The following CDH10 variants were observed in gnomAD, a reference collection of about 807,000 sequenced individuals.
CDH10 encodes cadherin 10.
CDH10 carries 30 observed loss-of-function variants against 73.1 expected under a neutral mutation model. That is an observed-to-expected ratio of 0.41 (90% CI 0.31 to 0.56). CDH10 has a LOEUF of 0.56. CDH10 is among the 20% of genes least tolerant of loss of function. The pLI is 0.27. For missense variants in CDH10, 815 were observed against 973.7 expected, an observed-to-expected ratio of 0.84 and a Z score of 2.17; for synonymous variants, 345 against 348.2, an observed-to-expected ratio of 0.99 and a Z score of 0.10.
chr5:24,564,750 T>C (rs1745106812), intron 2 of CDH10, among the ~76,000 whole-genome samples: 1 of 152,244 alleles, frequency 6.6e-6, no homozygotes, highest in African/African-American at 2.4e-5. Flanking sequence ...CTTGTTACAA[T>C]GATCCTATAC....
chr5:24,584,003 G>A (rs1227850638), intron 2 of CDH10, among the ~76,000 whole-genome samples: 2 of 152,108 alleles, frequency 1.3e-5, no homozygotes, highest in Non-Finnish European at 2.9e-5. Context: ...GGAGTCATAC[G>A]TTCAGGGTCA....
At chr5:24,526,371 C>T (rs1334790758) in intron 5 of CDH10, among the ~76,000 whole-genome samples, 1 of 151,774 alleles carries the variant, frequency 6.6e-6, no homozygotes, top group African/African-American at 2.4e-5. Flanking sequence ...TGTGTATTTC[C>T]CCTGGTTCTG....
At chr5:24,600,565 T>C (rs902535189) in intron 1 of CDH10, among the ~76,000 whole-genome samples, 8 of 152,080 alleles carry the variant, frequency 5.3e-5, no homozygotes, top group Non-Finnish European at 1.2e-4. Flanking sequence ...ACATCCTACC[T>C]GGCACAAATG....
At chr5:24,528,320 C>T (rs1387096506) in intron 5 of CDH10, among the ~76,000 whole-genome samples, 3 of 151,840 alleles carry the variant, frequency 2.0e-5, no homozygotes, top group Admixed American at 6.6e-5. Context: ...CTGACAGTTG[C>T]TCTAGTTGAA....
chr5:24,566,343 C>T (rs1429824461), intron 2 of CDH10, among the ~76,000 whole-genome samples: 1 of 152,038 alleles, frequency 6.6e-6, no homozygotes, highest in African/African-American at 2.4e-5. Context: ...CCACCACTCC[C>T]GGCCCCTAGC....
chr5:24,519,865 G>A (rs371571019), intron 5 of CDH10, among the ~76,000 whole-genome samples: 1 of 152,102 alleles, frequency 6.6e-6, no homozygotes, highest in African/African-American at 2.4e-5. Context: ...AGTTCTGGAG[G>A]ATACAAGTCT....
chr5:24,540,154 G>A (rs987019674), intron 2 of CDH10, among the ~76,000 whole-genome samples: 3 of 151,772 alleles, frequency 2.0e-5, no homozygotes, highest in African/African-American at 7.3e-5. Flanking sequence ...CCCTAAAAAA[G>A]CCCCCAGGAA....
intron 1 of CDH10, among the ~76,000 whole-genome samples, chr5:24,643,739 TA>T (rs1579500144): frequency 6.6e-6 from 1 of 152,180 alleles, no homozygotes; most frequent in Non-Finnish European, 1.5e-5. Context: ...TTTTTCATAA[TA>T]AGGAGACAGT....
rs957896280 is a variant in CDH10, at chr5:24,622,255, C to T, written c.-124+22339G>A. ...TGACAAAACATATTAATTTGATGTG[C>T]GAATGTTGACAAAATTTTTCAGCTT... On this transcript the variant is annotated intron_variant, in intron 1 of 11. Coordinates refer to ENST00000264463, the MANE Select transcript of CDH10 (RefSeq NM_006727.5). Among the ~76,000 whole-genome samples the T allele has an allele frequency of 5.1e-3, 9 of 1,782 alleles. No homozygotes were observed. The Admixed American group carries it at 0.075, about 15-fold the overall frequency. 1.2% of individuals were successfully genotyped at this position (1,782 alleles called of 152,430 possible).
chr5:24,554,111 CG>C (rs70965611), intron 2 of CDH10: 39,169 of 51,164 alleles, frequency 0.77, 14,523 homozygotes, highest in East Asian at 0.82. Context: ...GGGAGGTGGG[CG>C]GGGGGGGGAG....
intron 2 of CDH10, among the ~76,000 whole-genome samples, chr5:24,562,173 C>G (rs1744984559): frequency 6.6e-6 from 1 of 151,840 alleles, no homozygotes; most frequent in South Asian, 2.1e-4. Flanking sequence ...AAACTACATT[C>G]ATGTAAATTT....
rs1579703678 is a variant in CDH10, at chr5:24,487,471, A to C, written c.*192T>G. 1.8e-6 allele frequency: 1 copy of C among 547,754 alleles called. No individual in the cohort carries two copies. Among genetic ancestry groups the C allele is most frequent in the African/African-American group, 1.9e-5 (1 of 52,916 alleles). The allele number at this position is 547,754 out of a possible 1,614,324, so 33.9% of individuals were successfully genotyped here. A position where few individuals can be genotyped will look rare whatever the true frequency, so the allele number is the denominator to read the frequency against. On this transcript the variant is annotated 3_prime_UTR_variant, in exon 12 of 12. Coordinates refer to ENST00000264463, the MANE Select transcript of CDH10 (RefSeq NM_006727.5). ...CTTTGGCTCTTGGAAGTGATTAAAT[A>C]AAATGTCATATATATTCCATGAGAC...
chr5:24,528,487 A>G (rs1743613633), intron 5 of CDH10, among the ~76,000 whole-genome samples: 1 of 151,944 alleles, frequency 6.6e-6, no homozygotes, highest in East Asian at 1.9e-4. Flanking sequence ...ATAGTCTCAC[A>G]GCTCACTGAA....
At chr5:24,568,308 G>C (rs779826799) in intron 2 of CDH10, among the ~76,000 whole-genome samples, 8 of 151,726 alleles carry the variant, frequency 5.3e-5, no homozygotes. Flanking sequence ...ATTTTAAGCA[G>C]GCAGCACAAT....
chr5:24,520,553 C>T (rs941510018), intron 5 of CDH10, among the ~76,000 whole-genome samples: 12 of 152,124 alleles, frequency 7.9e-5, no homozygotes, highest in Non-Finnish European at 1.3e-4. Context: ...TACTATCACA[C>T]GGTAATTAAC....
chr5:24,527,257 A>G (rs1030344568), intron 5 of CDH10, among the ~76,000 whole-genome samples: 8 of 148,010 alleles, frequency 5.4e-5, no homozygotes, highest in Middle Eastern at 3.6e-3. Context: ...TTAAATACAT[A>G]TAGTCTTACA....
intron 7 of CDH10, among the ~76,000 whole-genome samples, chr5:24,505,738 A>G (rs1742674777): frequency 6.6e-6 from 1 of 152,216 alleles, no homozygotes; most frequent in Non-Finnish European, 1.5e-5. Flanking sequence ...GCTTCATGAT[A>G]TAACACCCAC....
chr5:24,523,453 T>TAA (rs199796817), intron 5 of CDH10, among the ~76,000 whole-genome samples: 1 of 151,970 alleles, frequency 6.6e-6, no homozygotes, highest in Non-Finnish European at 1.5e-5. Context: ...CAGTTTATGA[T>TAA]AAAAAAATTA....
chr5:24,623,794 A>G (rs957639352), intron 1 of CDH10, among the ~76,000 whole-genome samples: 1 of 152,162 alleles, frequency 6.6e-6, no homozygotes, highest in Non-Finnish European at 1.5e-5. Context: ...ATAACAGCAT[A>G]TGTGTTTTTA....
Sources: allele counts gnomAD v4.1 joint callset (sites outside exome capture counted in the v4.1 genomes callset), GRCh38; gene constraint gnomAD v4.1.1; transcripts MANE v1.5; gene names NCBI Gene and HGNC (gene_info 2026-07-23, HGNC 2026-07-21).